TRPC7: variants seen among roughly 807,000 people sequenced by gnomAD.
TRPC7 encodes short transient receptor potential channel 7.
In TRPC7, 42 loss-of-function variants were observed where a neutral mutation model predicts 90.1. The observed-to-expected ratio is 0.47, with a 90% CI of 0.36 to 0.60. TRPC7 has a LOEUF of 0.60. Ranked by LOEUF, TRPC7 falls within the 20% of genes least tolerant of loss-of-function variation. TRPC7 has a pLI of 0.00. For missense variants in TRPC7, 955 were observed against 1,112.3 expected, an observed-to-expected ratio of 0.86 and a Z score of 2.01; for synonymous variants, 451 against 436.3, an observed-to-expected ratio of 1.03 and a Z score of -0.42.
At chr5:136,326,168 C>G (rs910507367) in intron 2 of TRPC7, among the ~76,000 whole-genome samples, 1 of 152,212 alleles carries the variant, frequency 6.6e-6, no homozygotes, top group Non-Finnish European at 1.5e-5. Flanking sequence ...TTGTGGAGCG[C>G]TTTCTCACTT....
In TRPC7 at chr5:136,356,994, C is replaced by A; in HGVS notation, c.394G>T (p.Ala132Ser). ...CTGAGCGTCAGGCGCTGGCCCTGCGCGAAGGCCGGGTGGTTGAGGATGGCC... is the reference window on the plus strand; with the variant it reads ...CTGAGCGTCAGGCGCTGGCCCTGCGAGAAGGCCGGGTGGTTGAGGATGGCC... Reference protein sequence around the residue: ...VEAILNHPAFAQGQRLTLSPL... With the variant: ...VEAILNHPAFSQGQRLTLSPL... The change falls in exon 2 of 12, where the codon GCG becomes TCG. Residue 132 changes from alanine (A) to serine (S), a missense_variant. Transcript: ENST00000513104. 2 of 1,612,470 alleles carry A rather than the reference C, an allele frequency of 1.2e-6. No homozygotes were observed. The highest frequency in any genetic ancestry group is 1.1e-5 in the South Asian group (1 of 91,042).
chr5:136,296,179 C>T (rs992173172), intron 3 of TRPC7, among the ~76,000 whole-genome samples: 3 of 152,120 alleles, frequency 2.0e-5, no homozygotes, highest in Non-Finnish European at 4.4e-5. Flanking sequence ...GAAAAATACT[C>T]ATCTGCTTAG....
rs1472967722 is a variant in TRPC7, at chr5:136,231,488, C to T, written c.1906G>A (p.Val636Met). 5 of 1,612,510 alleles carry T rather than the reference C, an allele frequency of 3.1e-6. No individual in the cohort carries two copies. Among genetic ancestry groups the T allele is most frequent in the Non-Finnish European group, 4.2e-6 (5 of 1,179,156 alleles). The change falls in exon 8 of 12, where the codon GTG becomes ATG. Residue 636 changes from valine to methionine, a missense_variant. Val to Met is a conservative substitution (Grantham distance 21). Around this residue, in one of 4 missense-constraint regions of TRPC7, gnomAD observed 296 missense variants for 422.7 expected, o/e 0.70. Transcript: ENST00000513104. ...SIFGLSEVIS[V>M]VLKYDHKFIE... ...AATTTGTGGTCGTATTTCAGCACCA[C>T]TGAGATTACTTCAGATAAGCCGAAT...
chr5:136,268,184 C>A (rs576719878), intron 4 of TRPC7, among the ~76,000 whole-genome samples: 1 of 152,234 alleles, frequency 6.6e-6, no homozygotes, highest in Non-Finnish European at 1.5e-5. Flanking sequence ...GCCCCATTTC[C>A]CAACCAGGAC....
intron 8 of TRPC7, among the ~76,000 whole-genome samples, chr5:136,231,055 T>C (rs1289576719): frequency 6.6e-6 from 1 of 152,152 alleles, no homozygotes; most frequent in Non-Finnish European, 1.5e-5. Flanking sequence ...GTCATTCTGA[T>C]TGATTGCCAT....
At chr5:136,338,781 G>T (rs903060722) in intron 2 of TRPC7, among the ~76,000 whole-genome samples, 2 of 152,054 alleles carry the variant, frequency 1.3e-5, no homozygotes, top group Admixed American at 6.5e-5. Flanking sequence ...ACCCTATCTT[G>T]GATCCCAGGG....
In TRPC7 at chr5:136,274,864, C is replaced by T. The variant is rs367782396; in HGVS notation, c.964-27G>A. On this transcript the variant is annotated intron_variant, in intron 3 of 11. Transcript: ENST00000513104. ...TGTAAAAACAAAACAAAAACAAAAA[C>T]AAAACGCAAACAGGAAAATGGCATT... The T allele has an allele frequency of 1.6e-4, 248 of 1,548,418 alleles. 2 individuals carry two copies. Among genetic ancestry groups the T allele is most frequent in the South Asian group, 1.0e-3 (85 of 83,756 alleles).
At chr5:136,331,671 G>T (rs186109977) in intron 2 of TRPC7, among the ~76,000 whole-genome samples, 20 of 152,226 alleles carry the variant, frequency 1.3e-4, no homozygotes, top group Admixed American at 7.2e-4. Flanking sequence ...AAGTTGTTCC[G>T]CTCAGTTCAG....
intron 8 of TRPC7, 179 bp from the exon 9 acceptor site, chr5:136,226,434 C>G: frequency 1.7e-6 from 1 of 599,904 alleles, no homozygotes; most frequent in Middle Eastern, 4.4e-4. Context: ...AAACCATGCA[C>G]AATGGTCACT....
At chr5:136,298,182 G>T (rs536156936) in intron 3 of TRPC7, among the ~76,000 whole-genome samples, 1 of 152,150 alleles carries the variant, frequency 6.6e-6, no homozygotes, top group African/African-American at 2.4e-5. Context: ...CATTCAGATC[G>T]GGTGGTCAGG....
intron 2 of TRPC7, among the ~76,000 whole-genome samples, chr5:136,335,489 C>G (rs949475886): frequency 6.6e-6 from 1 of 152,084 alleles, no homozygotes; most frequent in East Asian, 1.9e-4. Flanking sequence ...CCCATACCCA[C>G]AGGCATGGTA....
At chr5:136,315,962 TGACCTGAAG>T in intron 2 of TRPC7, 183 bp from the exon 3 acceptor site, 1 of 610,764 alleles carries the variant, frequency 1.6e-6, no homozygotes, top group Non-Finnish European at 2.9e-6. Context: ...TCTTGACACG[TGACCTGAAG>T]GACATTTTCT....
intron 3 of TRPC7, among the ~76,000 whole-genome samples, chr5:136,309,607 A>C: frequency 6.6e-6 from 1 of 152,178 alleles, no homozygotes; most frequent in East Asian, 1.9e-4. Context: ...TGGCGAGCAG[A>C]AACAATGTGT....
At chr5:136,347,746 T>G (rs1760054711) in intron 2 of TRPC7, among the ~76,000 whole-genome samples, 1 of 152,212 alleles carries the variant, frequency 6.6e-6, no homozygotes, top group Non-Finnish European at 1.5e-5. Flanking sequence ...TCTCCTGTTC[T>G]CCTTCTATTT....
intron 5 of TRPC7, among the ~76,000 whole-genome samples, chr5:136,254,695 T>TG (rs1406589277): frequency 6.6e-6 from 1 of 152,222 alleles, no homozygotes; most frequent in Non-Finnish European, 1.5e-5. Flanking sequence ...TTGCAGCCTG[T>TG]GGATCAAGGA....
chr5:136,298,277 A>G (rs1758252733), intron 3 of TRPC7, among the ~76,000 whole-genome samples: 1 of 152,148 alleles, frequency 6.6e-6, no homozygotes, highest in Admixed American at 6.5e-5. Flanking sequence ...AGGGATCAGT[A>G]ACTTCCCTGG....
chr5:136,269,994 T>C (rs1232715778), intron 4 of TRPC7, among the ~76,000 whole-genome samples: 2 of 152,298 alleles, frequency 1.3e-5, no homozygotes, highest in East Asian at 1.9e-4. Context: ...AGGACTCCGA[T>C]GAAAGAAAAG....
At chr5:136,315,441 C>T (rs1758980728) in intron 3 of TRPC7, among the ~76,000 whole-genome samples, 156 bp downstream of exon 3, 1 of 151,974 alleles carries the variant, frequency 6.6e-6, no homozygotes. Flanking sequence ...TCCTAGCAGC[C>T]CTGTGAAGCT....
chr5:136,260,607 G>A (rs1019556381), intron 5 of TRPC7, among the ~76,000 whole-genome samples: 3 of 152,218 alleles, frequency 2.0e-5, no homozygotes, highest in African/African-American at 7.2e-5. Context: ...TAGAGATGGA[G>A]TGGAGAGGTG....
Sources: allele counts gnomAD v4.1 joint callset (sites outside exome capture counted in the v4.1 genomes callset), GRCh38; gene constraint gnomAD v4.1.1; regional missense constraint gnomAD v4.1.1; transcripts MANE v1.5; gene names NCBI Gene and HGNC (gene_info 2026-07-23, HGNC 2026-07-21).